XIAP: variants seen among roughly 807,000 people sequenced by gnomAD.
The protein encoded by XIAP is E3 ubiquitin-protein ligase XIAP.
In XIAP, 3 loss-of-function variants were observed where a neutral mutation model predicts 33.1. The observed-to-expected ratio is 0.09, with a 90% CI of 0.04 to 0.23. XIAP has a LOEUF of 0.23. Among genes scored for constraint, XIAP ranks in the 10% least tolerant of loss-of-function variants. The pLI is 1.00. For synonymous variants in XIAP, 98 were observed against 121.3 expected (o/e 0.81, Z 1.26); for missense variants, 264 against 363.0 (o/e 0.73, Z 2.22).
At chrX:123,890,798 G>T (rs1418148333) in intron 3 of XIAP, among the ~76,000 whole-genome samples, 1 of 109,360 alleles carries the variant, frequency 9.1e-6, no homozygotes, top group South Asian at 3.9e-4. Context: ...AAAATTAGCC[G>T]GGCGTAGTGG....
chrX:123,887,049 A>G (rs1391611882), intron 2 of XIAP, among the ~76,000 whole-genome samples: 1 of 111,958 alleles, frequency 8.9e-6, no homozygotes, highest in Non-Finnish European at 1.9e-5. Flanking sequence ...CCTCCTGAGT[A>G]GCTGGGATTA....
At chrX:123,882,460 C>T (rs543093125) in intron 1 of XIAP, among the ~76,000 whole-genome samples, 33 of 111,918 alleles carry the variant, frequency 2.9e-4, no homozygotes, top group African/African-American at 1.0e-3. Flanking sequence ...GATAAATATC[C>T]TTCGCTATTC....
At chrX:123,893,798 G>T (rs961615353) in intron 5 of XIAP, among the ~76,000 whole-genome samples, 9 of 111,954 alleles carry the variant, frequency 8.0e-5, no homozygotes, top group African/African-American at 2.9e-4. Context: ...CTGAGATCGT[G>T]CCAGTGCACT....
chrX:123,912,807 G>C lies in XIAP; in HGVS notation c.*5626G>C, dbSNP rs1022817323. On this transcript the variant is annotated 3_prime_UTR_variant, in exon 7 of 7. Coordinates refer to ENST00000371199, the MANE Select transcript of XIAP (RefSeq NM_001167.4). ...AGCTGGGACTACAGGCATGCTCCAC[G>C]GTGCCCAGTTAATTTTTTTTGTATT... is the stretch of plus-strand genomic sequence containing the variant. 6.2e-6 allele frequency: 2 copies of C among 320,425 alleles called. No individual in the cohort carries two copies. Among genetic ancestry groups the C allele is most frequent in the Admixed American group, 6.5e-5 (2 of 30,822 alleles). 26.4% of individuals were successfully genotyped at this position (320,425 alleles called of 1,213,427 possible).
chrX:123,902,014 A>G (rs1395029654), intron 6 of XIAP, among the ~76,000 whole-genome samples: 2 of 111,522 alleles, frequency 1.8e-5, no homozygotes, highest in African/African-American at 6.5e-5. Context: ...TTGTATTTTC[A>G]GTAGAGACAG....
At chrX:123,884,483 C>A (rs867158037) in intron 1 of XIAP, among the ~76,000 whole-genome samples, 10 of 95,529 alleles carry the variant, frequency 1.0e-4, no homozygotes, top group Admixed American at 1.2e-4. Context: ...AACTCCATCT[C>A]AAAAAAAAAA....
chrX:123,900,531 A>G lies in XIAP; in HGVS notation c.1138A>G (p.Ile380Val), dbSNP rs370533935. Residue 380 changes from isoleucine (I) to valine (V), a missense_variant, in exon 6 of 7, where the codon ATA becomes GTA. Physicochemically the swap from Ile to Val is conservative, Grantham distance 29 (BLOSUM62 3). Transcript: ENST00000371199. ...CCAAAATCCTATGGTACAAGAAGCT[A>G]TACGAATGGGGTTCAGTTTCAAGGA... ...IFQNPMVQEA[I>V]RMGFSFKDIK... 13 of 1,209,644 alleles carry G rather than the reference A, an allele frequency of 1.1e-5. No homozygotes were observed. The African/African-American group carries it at 1.9e-4, about 18-fold the overall frequency.
intron 1 of XIAP, chrX:123,873,871 T>C (rs1243665935): frequency 9.5e-6 from 1 of 105,702 alleles, no homozygotes; most frequent in East Asian, 3.0e-4. Context: ...AAGGTGGAGG[T>C]TGCAGTGAGC....
chrX:123,880,737 CAAAAAAAAAAA>C (rs35365799), intron 1 of XIAP, among the ~76,000 whole-genome samples: 3 of 63,963 alleles, frequency 4.7e-5, no homozygotes, highest in Non-Finnish European at 9.0e-5. Context: ...AACTCTGTTT[CAAAAAAAAAAA>C]AAAAAAAAGG....
intron 1 of XIAP, 135 bp downstream of exon 1, chrX:123,860,428 CA>C (rs1011124253): frequency 3.7e-6 from 1 of 270,395 alleles, no homozygotes; most frequent in African/African-American, 2.7e-5. Flanking sequence ...GCCAGCCCAT[CA>C]GGGGTGGCCC....
chrX:123,904,052 A>T (rs1035883505), intron 6 of XIAP, among the ~76,000 whole-genome samples: 4 of 111,667 alleles, frequency 3.6e-5, no homozygotes, highest in African/African-American at 1.3e-4. Context: ...TTGTCTCTAT[A>T]AATTTGACTA....
intron 1 of XIAP, among the ~76,000 whole-genome samples, chrX:123,867,036 A>ATT (rs1556398559): frequency 1.9e-5 from 1 of 53,904 alleles, no homozygotes; most frequent in Non-Finnish European, 3.3e-5. Context: ...GGTTGTTTTA[A>ATT]TCCCCCCCCC....
At chrX:123,892,376 ATAAAT>A (rs1321897730) in intron 4 of XIAP, among the ~76,000 whole-genome samples, 2 of 110,866 alleles carry the variant, frequency 1.8e-5, no homozygotes, top group East Asian at 2.8e-4. Flanking sequence ...TCAAAAATAA[ATAAAT>A]TAAATAAATA....
chrX:123,885,267 A>G (rs2355676), intron 1 of XIAP, among the ~76,000 whole-genome samples: 42,254 of 110,876 alleles, frequency 0.38, 6,087 homozygotes, highest in African/African-American at 0.47. Flanking sequence ...CATAGATTTT[A>G]ATAATCTGCA....
chrX:123,895,401 A>T (rs2053450738), intron 5 of XIAP, among the ~76,000 whole-genome samples: 1 of 112,382 alleles, frequency 8.9e-6, no homozygotes, highest in African/African-American at 3.2e-5. Context: ...TGATGGTTCT[A>T]TGAACATTTG....
rs140619524 is a variant in XIAP at position 123,892,810 on chromosome X, G to A, written c.1099+37G>A. On this transcript the variant is annotated intron_variant, in intron 5 of 6. Transcript: ENST00000371199. ...TGTTAACTATCCTTTTAATTTAACTGCCAATTTATTTATTTATTTATTTAT... is the reference window on the plus strand; with the variant it reads ...TGTTAACTATCCTTTTAATTTAACTACCAATTTATTTATTTATTTATTTAT... 4.5e-4 allele frequency: 493 copies of A among 1,101,400 alleles called. 3 individuals carry two copies. The African/African-American group carries it at 8.0e-3, about 18-fold the overall frequency. The allele number at this position is 1,101,400 out of a possible 1,213,427, so 90.8% of individuals were successfully genotyped here. A position where few individuals can be genotyped will look rare whatever the true frequency, so the allele number is the denominator to read the frequency against.
chrX:123,868,612 A>G (rs1038866923), intron 1 of XIAP, among the ~76,000 whole-genome samples: 14 of 110,742 alleles, frequency 1.3e-4, no homozygotes, highest in Admixed American at 3.9e-4. Context: ...TGCACCTGTA[A>G]TCCCAGCTAC....
chrX:123,872,871 C>CTT (rs757560795), intron 1 of XIAP: 2 of 109,913 alleles, frequency 1.8e-5, no homozygotes, highest in African/African-American at 6.6e-5. Context: ...CTCTCTCTCT[C>CTT]TTTTTTTTGG....
At chrX:123,861,244 G>A (rs2053076569) in intron 1 of XIAP, among the ~76,000 whole-genome samples, 1 of 111,635 alleles carries the variant, frequency 9.0e-6, no homozygotes, top group Non-Finnish European at 1.9e-5. Flanking sequence ...TAGAACCCAT[G>A]TTATCTGGCT....
Sources: gnomAD v4.1 joint callset for allele counts (sites outside exome capture counted in the v4.1 genomes callset) on GRCh38, gnomAD v4.1.1 for gene constraint, MANE v1.5 for transcripts, NCBI Gene and HGNC (gene_info 2026-07-23, HGNC 2026-07-21) for gene names.